Variants in FSHR observed in about 807,000 individuals in gnomAD.
FSHR encodes follicle-stimulating hormone receptor.
In FSHR, 46 loss-of-function variants were observed where a neutral mutation model predicts 52.1. The observed-to-expected ratio is 0.88, with a 90% CI of 0.70 to 1.13. The LOEUF is 1.13. Among genes scored for constraint, FSHR ranks in the 50% most tolerant of loss-of-function variants. The pLI, the probability that FSHR is intolerant of heterozygous loss-of-function variation, is 0.00. For missense variants in FSHR, 964 were observed against 834.6 expected (o/e 1.16, Z -1.91); for synonymous variants, 399 against 309.6 (o/e 1.29, Z -3.03).
intron 3 of FSHR, among the ~76,000 whole-genome samples, chr2:49,018,136 G>A (rs940292471): frequency 2.0e-5 from 3 of 152,100 alleles, no homozygotes; most frequent in African/African-American, 7.2e-5. Context: ...ATATCTTTTT[G>A]CTTTTAAGCA....
chr2:49,073,154 A>C (rs1572707444), intron 1 of FSHR, among the ~76,000 whole-genome samples: 1 of 152,102 alleles, frequency 6.6e-6, no homozygotes, highest in East Asian at 1.9e-4. Flanking sequence ...AGAACACGAC[A>C]AGGATGCCCA....
intron 1 of FSHR, among the ~76,000 whole-genome samples, chr2:49,084,969 G>A (rs961751902): frequency 6.6e-6 from 1 of 152,136 alleles, no homozygotes; most frequent in African/African-American, 2.4e-5. Flanking sequence ...AATAGAAAAA[G>A]ACGGAATCCT....
At chr2:49,096,801 G>C (rs766302513) in intron 1 of FSHR, among the ~76,000 whole-genome samples, 1 of 152,160 alleles carries the variant, frequency 6.6e-6, no homozygotes, top group Non-Finnish European at 1.5e-5. Flanking sequence ...GAATGGTTTA[G>C]CACCATCCCC....
chr2:49,043,667 A>G (rs1344667501), intron 2 of FSHR, among the ~76,000 whole-genome samples: 2 of 152,162 alleles, frequency 1.3e-5, no homozygotes, highest in African/African-American at 4.8e-5. Flanking sequence ...AAAAAAACCA[A>G]ATGTTCCGAT....
At position 48,963,248 on chromosome 2, in the gene FSHR, G is replaced by C; in HGVS notation, c.1573C>G (p.Pro525Ala). The C allele has an allele frequency of 6.2e-7, 1 of 1,614,136 alleles. No homozygotes were observed. The highest frequency in any genetic ancestry group is 1.6e-4 in the Middle Eastern group (1 of 6,062). ...SICLPMDIDS[P>A]LSQLYVMSLL... ...GACATGACATACAGCTGTGACAAAG[G>C]GCTGTCAATATCCATGGGCAGGCAG... is the stretch of plus-strand genomic sequence containing the variant. The change falls in exon 10 of 10, where the codon CCT (proline) becomes GCT (alanine). Residue 525 changes from proline to alanine, a missense_variant. By Grantham distance (27) the Pro-to-Ala change is conservative. Transcript: ENST00000406846.
intron 1 of FSHR, among the ~76,000 whole-genome samples, chr2:49,097,974 A>G (rs1670888628): frequency 6.6e-6 from 1 of 152,136 alleles, no homozygotes; most frequent in Non-Finnish European, 1.5e-5. Context: ...AATATTTGGT[A>G]TCTACCATTA....
intron 2 of FSHR, among the ~76,000 whole-genome samples, chr2:49,045,692 G>A (rs746008063): frequency 6.6e-5 from 10 of 152,134 alleles, no homozygotes; most frequent in Non-Finnish European, 1.3e-4. Context: ...TCTCTTTGGC[G>A]TGGAAAAGGC....
At chr2:49,022,297 A>T (rs1297827520) in intron 2 of FSHR, among the ~76,000 whole-genome samples, 1 of 152,166 alleles carries the variant, frequency 6.6e-6, no homozygotes, top group East Asian at 1.9e-4. Context: ...CAAAGTAAAG[A>T]AACACTTCTA....
intron 2 of FSHR, among the ~76,000 whole-genome samples, chr2:49,021,921 A>AGAGAGAGAG (rs1667739794): frequency 1.0e-4 from 13 of 126,752 alleles, no homozygotes; most frequent in African/African-American, 2.2e-4. Flanking sequence ...AGAGAGAGAG[A>AGAGAGAGAG]ATGAACACCA....
At chr2:48,973,061 A>G (rs1674813985) in intron 8 of FSHR, among the ~76,000 whole-genome samples, 1 of 152,150 alleles carries the variant, frequency 6.6e-6, no homozygotes, top group African/African-American at 2.4e-5. Context: ...AAAGAATATG[A>G]TAGAAATGTT....
chr2:49,067,928 G>A (rs1669568549), intron 2 of FSHR, among the ~76,000 whole-genome samples: 2 of 151,726 alleles, frequency 1.3e-5, no homozygotes, highest in African/African-American at 4.8e-5. Flanking sequence ...GAAAAGAAGA[G>A]GCTTTGGTTT....
Position 49,043,416 on chromosome 2 carries a change from A to G in FSHR, c.225-23256T>C, listed in dbSNP as rs571610285. On this transcript the variant is annotated intron_variant, in intron 2 of 9. Coordinates refer to ENST00000406846, the MANE Select transcript of FSHR (RefSeq NM_000145.4). ...ATTTTACATGTACCCTGATTTGACT[A>G]TGTAATTAGGCTGAGATAAATGGGC... Among the ~76,000 whole-genome samples the G allele has an allele frequency of 5.3e-5, 8 of 152,312 alleles. No individual in the cohort carries two copies. In the South Asian group the frequency reaches 1.4e-3, roughly 28 times the overall value.
At chr2:49,109,203 G>A (rs1427656173) in intron 1 of FSHR, among the ~76,000 whole-genome samples, 3 of 152,144 alleles carry the variant, frequency 2.0e-5, no homozygotes, top group Non-Finnish European at 4.4e-5. Context: ...TCTAGGCCAA[G>A]GGCAAAGTTA....
Position 48,964,971 on chromosome 2 carries a change from T to C in FSHR, c.855-1005A>G, listed in dbSNP as rs114110032. On this transcript the variant is annotated intron_variant, in intron 9 of 9. Coordinates refer to ENST00000406846, the MANE Select transcript of FSHR (RefSeq NM_000145.4). ...AGGCTTGTGGAATGGGAATAAGCCTTACGTTAGGACCTTTTTGGATGCAAA... is the reference window on the plus strand; with the variant it reads ...AGGCTTGTGGAATGGGAATAAGCCTCACGTTAGGACCTTTTTGGATGCAAA... Among the ~76,000 whole-genome samples, 725 of 148,560 alleles carry C rather than the reference T, an allele frequency of 4.9e-3. 6 individuals are homozygous for C. The highest frequency in any genetic ancestry group is 0.017 in the African/African-American group (666 of 39,952).
intron 2 of FSHR, among the ~76,000 whole-genome samples, chr2:49,058,581 A>G (rs1308624540): frequency 6.6e-6 from 1 of 152,110 alleles, no homozygotes; most frequent in Non-Finnish European, 1.5e-5. Context: ...ACCTTTAAGA[A>G]CTGTTAAACA....
chr2:49,086,647 A>T (rs895136835), intron 1 of FSHR, among the ~76,000 whole-genome samples: 21 of 151,916 alleles, frequency 1.4e-4, no homozygotes, highest in African/African-American at 4.3e-4. Context: ...TTATTTTTTA[A>T]TTTGTGTTTT....
At chr2:49,007,354 G>C (rs1349611146) in intron 4 of FSHR, among the ~76,000 whole-genome samples, 1 of 151,988 alleles carries the variant, frequency 6.6e-6, no homozygotes, top group Non-Finnish European at 1.5e-5. Context: ...GGATTGTTGA[G>C]GTTCAAATGC....
At chr2:48,969,597 A>G (rs1011517805) in intron 8 of FSHR, among the ~76,000 whole-genome samples, 1 of 152,248 alleles carries the variant, frequency 6.6e-6, no homozygotes, top group Non-Finnish European at 1.5e-5. Flanking sequence ...AAATTAGATG[A>G]GTTAAAGTGC....
chr2:48,989,521 A>G (rs1184990086), intron 5 of FSHR, among the ~76,000 whole-genome samples: 1 of 152,080 alleles, frequency 6.6e-6, no homozygotes, highest in Non-Finnish European at 1.5e-5. Flanking sequence ...TGCTTAAGTG[A>G]TCTGCCTGCC....
Sources: allele counts gnomAD v4.1 joint callset (sites outside exome capture counted in the v4.1 genomes callset), GRCh38; gene constraint gnomAD v4.1.1; transcripts MANE v1.5; gene names NCBI Gene and HGNC (gene_info 2026-07-23, HGNC 2026-07-21).